AGMO: variants seen among roughly 807,000 people sequenced by gnomAD.
AGMO encodes the protein glyceryl-ether monooxygenase.
A neutral mutation model predicts 60.2 loss-of-function variants in AGMO; 75 were observed. The ratio of observed to expected loss-of-function variants is 1.25; its 90% CI spans 1.03 to 1.51. The LOEUF is 1.51. Among genes scored for constraint, AGMO ranks in the 40% most tolerant of loss-of-function variants. The pLI, the probability that AGMO is intolerant of heterozygous loss-of-function variation, is 0.00. For missense variants in AGMO, 763 were observed against 525.5 expected (o/e 1.45, Z -4.42); for synonymous variants, 261 against 177.1 (o/e 1.47, Z -3.76).
the AGMO span, among the ~76,000 whole-genome samples, chr7:15,177,406 C>T: frequency 6.6e-6 from 1 of 152,096 alleles, no homozygotes; most frequent in African/African-American, 2.4e-5. Context: ...TGCCCATCAA[C>T]ACTTCTGTTC....
At chr7:15,526,216 G>A (rs1583646266) in intron 3 of AGMO, among the ~76,000 whole-genome samples, 1 of 152,296 alleles carries the variant, frequency 6.6e-6, no homozygotes, top group East Asian at 1.9e-4. Flanking sequence ...AAGGTCTCTA[G>A]CTGGCAAAGT....
At position 15,549,168 on chromosome 7, in the gene AGMO, G is replaced by A. The variant is rs1410851078; in HGVS notation, c.258-4245C>T. 7.0e-3 allele frequency among the ~76,000 whole-genome samples: 1,003 copies of A among 143,858 alleles called. 7 individuals carry two copies. Among genetic ancestry groups the A allele is most frequent in the Non-Finnish European group, 0.01 (672 of 66,120 alleles). The allele number at this position is 143,858 out of a possible 152,430, so 94.4% of individuals were successfully genotyped here. On this transcript the variant is annotated intron_variant, in intron 2 of 12. Transcript: ENST00000342526. ...CCCTAAAAGAGCTCCTGAAGGAAGC[G>A]CTAAACATGGAAAGGAACAACCGGT... is the stretch of plus-strand genomic sequence containing the variant.
intron 12 of AGMO, among the ~76,000 whole-genome samples, chr7:15,313,870 GTC>G (rs146059141): frequency 1.3e-5 from 2 of 150,836 alleles, no homozygotes; most frequent in East Asian, 1.9e-4. Context: ...TGCAGATGGG[GTC>G]TCTCTCTCTC....
At chr7:15,383,923 T>C (rs959234896) in intron 10 of AGMO, among the ~76,000 whole-genome samples, 7 of 152,096 alleles carry the variant, frequency 4.6e-5, no homozygotes, top group Admixed American at 4.6e-4. Context: ...GATGATTAAT[T>C]TAGTCCATCT....
At chr7:15,558,011 C>G (rs1310555089) in intron 2 of AGMO, among the ~76,000 whole-genome samples, 1 of 151,600 alleles carries the variant, frequency 6.6e-6, no homozygotes, top group East Asian at 1.9e-4. Context: ...CTCTCTCTCT[C>G]TCTCTCTCCC....
Position 15,446,967 on chromosome 7 carries a change from A to C in AGMO, c.410-15859T>G, listed in dbSNP as rs1488564539. Among the ~76,000 whole-genome samples the C allele has an allele frequency of 2.0e-5, 3 of 152,180 alleles. No individual in the cohort carries two copies. The East Asian group carries it at 5.8e-4, about 29-fold the overall frequency. On this transcript the variant is annotated intron_variant, in intron 3 of 12. Transcript: ENST00000342526. ...CCAGAAGGGAAGTTCTTTAATGGCA[A>C]TAAGTGATCCCAATGACATCTTCCC...
At chr7:15,188,843 A>C in the AGMO span, among the ~76,000 whole-genome samples, 1 of 152,206 alleles carries the variant, frequency 6.6e-6, no homozygotes, top group Non-Finnish European at 1.5e-5. Flanking sequence ...AGTTAACATC[A>C]GCATTGTTCT....
chr7:15,526,626 C>T (rs1357902656), intron 3 of AGMO, among the ~76,000 whole-genome samples: 1 of 152,178 alleles, frequency 6.6e-6, no homozygotes, highest in African/African-American at 2.4e-5. Context: ...CATGGTCACT[C>T]ATATTGGCTC....
chr7:15,360,988 C>T (rs1415089964), intron 12 of AGMO, among the ~76,000 whole-genome samples: 1 of 152,176 alleles, frequency 6.6e-6, no homozygotes, highest in Non-Finnish European at 1.5e-5. Flanking sequence ...ATGCCTTCTT[C>T]ACCTTAGTGA....
At chr7:15,172,181 C>T in the AGMO span, among the ~76,000 whole-genome samples, 1 of 152,174 alleles carries the variant, frequency 6.6e-6, no homozygotes, top group African/African-American at 2.4e-5. Context: ...GTCCCATCCT[C>T]AGATATAAAA....
intron 12 of AGMO, among the ~76,000 whole-genome samples, chr7:15,263,274 T>C (rs1783330122): frequency 2.0e-5 from 3 of 151,696 alleles, no homozygotes; most frequent in Non-Finnish European, 4.4e-5. Context: ...AGGACATGAA[T>C]AGACAATTCT....
At chr7:15,541,420 T>A (rs1479013347) in intron 3 of AGMO, among the ~76,000 whole-genome samples, 1 of 152,192 alleles carries the variant, frequency 6.6e-6, no homozygotes, top group Non-Finnish European at 1.5e-5. Flanking sequence ...GTGTCCAGCC[T>A]AATGCATTAT....
At chr7:15,478,348 CCAAGGGTCT>C (rs1253533912) in intron 3 of AGMO, among the ~76,000 whole-genome samples, 1 of 152,066 alleles carries the variant, frequency 6.6e-6, no homozygotes, top group Non-Finnish European at 1.5e-5. Context: ...TTGGTAATCT[CCAAGGGTCT>C]TTCTTTAAGA....
chr7:15,282,775 G>A (rs797005483), intron 12 of AGMO, among the ~76,000 whole-genome samples: 6 of 152,186 alleles, frequency 3.9e-5, no homozygotes, highest in African/African-American at 1.4e-4. Context: ...GGACATCACC[G>A]AAGCATATAC....
intron 3 of AGMO, among the ~76,000 whole-genome samples, chr7:15,455,187 T>A (rs1781969066): frequency 6.6e-6 from 1 of 151,994 alleles, no homozygotes; most frequent in South Asian, 2.1e-4. Context: ...AATGTATACA[T>A]TTTTGTGACT....
intron 12 of AGMO, 77 bp from the exon 13 acceptor site, chr7:15,201,436 T>A (rs1160652554): frequency 9.5e-7 from 1 of 1,051,840 alleles, no homozygotes; most frequent in African/African-American, 1.6e-5. Flanking sequence ...TAAAAATATT[T>A]CCCTAGAGGA....
chr7:15,151,493 G>A, the AGMO span, among the ~76,000 whole-genome samples: 7 of 152,166 alleles, frequency 4.6e-5, no homozygotes, highest in Middle Eastern at 3.4e-3. Flanking sequence ...GTATCTAAGA[G>A]ATTCTGGTAT....
At chr7:15,191,839 G>A in the AGMO span, among the ~76,000 whole-genome samples, 1 of 152,018 alleles carries the variant, frequency 6.6e-6, no homozygotes, top group Non-Finnish European at 1.5e-5. Context: ...ATCAAGCAGT[G>A]TTAAATAATG....
intron 3 of AGMO, among the ~76,000 whole-genome samples, chr7:15,505,499 T>G (rs970878087): frequency 2.6e-5 from 4 of 152,048 alleles, no homozygotes; most frequent in African/African-American, 7.2e-5. Context: ...GTTATTCCTA[T>G]ATCATTCTAA....
Sources: gnomAD v4.1 joint callset for allele counts (sites outside exome capture counted in the v4.1 genomes callset) on GRCh38, gnomAD v4.1.1 for gene constraint, MANE v1.5 for transcripts, NCBI Gene and HGNC (gene_info 2026-07-23, HGNC 2026-07-21) for gene names.